The following TMLHE variants were observed in gnomAD, a reference collection of about 807,000 sequenced individuals.
The protein encoded by TMLHE is trimethyllysine dioxygenase, mitochondrial.
Under a neutral mutation model 25.7 loss-of-function variants are expected in TMLHE, and 18 were observed. The observed-to-expected ratio is 0.70, with a 90% CI of 0.48 to 1.04. The LOEUF (loss-of-function observed/expected upper bound fraction) is 1.04. Ranked by LOEUF, TMLHE falls within the 50% of genes least tolerant of loss-of-function variation. TMLHE has a pLI of 0.00. For missense variants in TMLHE, 236 were observed against 259.0 expected (o/e 0.91, Z 0.61); for synonymous variants, 105 against 97.0 (o/e 1.08, Z -0.49).
At chrX:155,570,631 A>C (rs1557342985) in intron 1 of TMLHE, among the ~76,000 whole-genome samples, 4 of 57,233 alleles carry the variant, frequency 7.0e-5, no homozygotes, top group African/African-American at 1.7e-4. Context: ...ATTATAACAA[A>C]CTGTCTCTCA....
intron 1 of TMLHE, among the ~76,000 whole-genome samples, chrX:155,545,754 C>T (rs782620364): frequency 1.3e-4 from 15 of 111,213 alleles, no homozygotes; most frequent in Non-Finnish European, 1.3e-4. Flanking sequence ...CAATTGCCTA[C>T]AGTATTCAGT....
At chrX:155,525,432 T>C (rs2067213807) in intron 2 of TMLHE, among the ~76,000 whole-genome samples, 1 of 112,183 alleles carries the variant, frequency 8.9e-6, no homozygotes, top group Non-Finnish European at 1.9e-5. Context: ...ATTAAACCTC[T>C]TTTCTTCATA....
At chrX:155,559,525 A>G (rs1383037100) in intron 1 of TMLHE, among the ~76,000 whole-genome samples, 1 of 111,691 alleles carries the variant, frequency 9.0e-6, no homozygotes, top group Non-Finnish European at 1.9e-5. Flanking sequence ...AGCCATCGTA[A>G]TGTAAATTAA....
intron 6 of TMLHE, among the ~76,000 whole-genome samples, chrX:155,506,458 A>C (rs1234004135): frequency 9.0e-6 from 1 of 111,083 alleles, no homozygotes; most frequent in East Asian, 2.8e-4. Flanking sequence ...AAATGAGTAG[A>C]AGTGATGAGT....
chrX:155,519,694 T>G (rs1184652998), intron 3 of TMLHE, among the ~76,000 whole-genome samples: 2 of 2,725 alleles, frequency 7.3e-4, no homozygotes, highest in Non-Finnish European at 6.9e-4. Context: ...GCTTTATGAA[T>G]CTGGGTGCTC....
chrX:155,605,295 C>G (rs782156114), intron 1 of TMLHE, among the ~76,000 whole-genome samples: 1 of 111,696 alleles, frequency 9.0e-6, no homozygotes, highest in East Asian at 2.8e-4. Flanking sequence ...GGACAACATT[C>G]AAATTCAGGA....
intron 6 of TMLHE, among the ~76,000 whole-genome samples, chrX:155,506,488 G>A (rs2067077062): frequency 9.0e-6 from 1 of 111,266 alleles, no homozygotes; most frequent in Non-Finnish European, 1.9e-5. Flanking sequence ...AATATGATAT[G>A]TTTTATATTC....
In TMLHE at chrX:155,521,979, C is replaced by T. The variant is rs1488962233; in HGVS notation, c.358+2477G>A. Among the ~76,000 whole-genome samples the T allele has an allele frequency of 2.8e-5, 3 of 107,838 alleles. No individual in the cohort carries two copies. The East Asian group carries it at 8.9e-4, about 32-fold the overall frequency. The allele number at this position is 107,838 out of a possible 115,157, so 93.6% of individuals were successfully genotyped here. ...AGATGGAAATGCAGAAATCACCCGT[C>T]TTCTGCGTCGCTCACGCTGGGAGCT... On this transcript the variant is annotated intron_variant, in intron 3 of 7. Coordinates refer to ENST00000334398, the MANE Select transcript of TMLHE (RefSeq NM_018196.4).
intron 1 of TMLHE, among the ~76,000 whole-genome samples, chrX:155,546,502 A>AC: frequency 9.0e-6 from 1 of 111,116 alleles, no homozygotes; most frequent in Non-Finnish European, 1.9e-5. Context: ...TGTTGAGTGG[A>AC]CTGGTGAGTG....
chrX:155,572,786 T>G (rs1437583881), intron 1 of TMLHE, among the ~76,000 whole-genome samples: 757 of 56,290 alleles, frequency 0.013, 260 homozygotes, highest in Non-Finnish European at 0.026. Context: ...TAGCCATATG[T>G]AGAAAGCTGA....
At chrX:155,602,534 T>C (rs1299869755) in intron 1 of TMLHE, among the ~76,000 whole-genome samples, 1 of 111,452 alleles carries the variant, frequency 9.0e-6, no homozygotes, top group Non-Finnish European at 1.9e-5. Flanking sequence ...TTCAACATTA[T>C]ACTGGAGATG....
chrX:155,559,618 A>G (rs2067480967), intron 1 of TMLHE, among the ~76,000 whole-genome samples: 1 of 112,221 alleles, frequency 8.9e-6, no homozygotes, highest in Non-Finnish European at 1.9e-5. Flanking sequence ...AGGCAATTAC[A>G]TAATAGGTCA....
rs782641181 is a variant in TMLHE at position 155,566,248 on chromosome X, T to G, written c.-1-20971A>C. 4.2e-3 allele frequency among the ~76,000 whole-genome samples: 258 copies of G among 61,453 alleles called. 33 individuals are homozygous for G. The highest frequency in any genetic ancestry group is 8.8e-3 in the African/African-American group (245 of 27,746). 53.4% of individuals were successfully genotyped at this position (61,453 alleles called of 115,157 possible). On this transcript the variant is annotated intron_variant, in intron 1 of 7. Transcript: ENST00000334398. Reference sequence around the variant, plus strand: ...CTTAATTTGAAGAAACACAGTTTCTTATCTCTGGGCCATACTTTGCAGCTA... The same window carrying G: ...CTTAATTTGAAGAAACACAGTTTCTGATCTCTGGGCCATACTTTGCAGCTA...
At chrX:155,544,430 C>T (rs1329143420) in intron 2 of TMLHE, among the ~76,000 whole-genome samples, 4 of 111,890 alleles carry the variant, frequency 3.6e-5, no homozygotes, top group Non-Finnish European at 7.5e-5. Flanking sequence ...TGGAGTCATG[C>T]TGGCACAAGC....
chrX:155,531,093 G>A (rs903534982), intron 2 of TMLHE, among the ~76,000 whole-genome samples: 4 of 112,087 alleles, frequency 3.6e-5, no homozygotes, highest in Non-Finnish European at 7.5e-5. Context: ...TGCATGCAGT[G>A]CTGTATGCAC....
chrX:155,587,695 T>C (rs782490221), intron 1 of TMLHE, among the ~76,000 whole-genome samples: 1 of 112,143 alleles, frequency 8.9e-6, no homozygotes, highest in South Asian at 3.6e-4. Context: ...CAAAAATCAG[T>C]AGTGTTTATA....
chrX:155,541,143 C>T (rs2067308248), intron 2 of TMLHE, among the ~76,000 whole-genome samples: 1 of 110,520 alleles, frequency 9.0e-6, no homozygotes, highest in African/African-American at 3.3e-5. Context: ...GTTTGCTGCA[C>T]CCATCAACCT....
intron 3 of TMLHE, among the ~76,000 whole-genome samples, chrX:155,523,158 G>A (rs2067198826): frequency 8.9e-6 from 1 of 111,740 alleles, no homozygotes; most frequent in Admixed American, 9.5e-5. Flanking sequence ...TCCTATTCAG[G>A]AAAATGTCTG....
chrX:155,537,463 A>G (rs2067285543), intron 2 of TMLHE, among the ~76,000 whole-genome samples: 1 of 110,807 alleles, frequency 9.0e-6, no homozygotes, highest in Non-Finnish European at 1.9e-5. Flanking sequence ...AGTACTCTCA[A>G]AATTTTCATT....
Sources: gnomAD v4.1 joint callset for allele counts (sites outside exome capture counted in the v4.1 genomes callset) on GRCh38, gnomAD v4.1.1 for gene constraint, MANE v1.5 for transcripts, NCBI Gene and HGNC (gene_info 2026-07-23, HGNC 2026-07-21) for gene names.